ANXA2: variants seen among roughly 807,000 people sequenced by gnomAD.
ANXA2 encodes the protein annexin A2, also known as annexin II.
ANXA2 carries 28 observed loss-of-function variants against 47.3 expected under a neutral mutation model. The ratio of observed to expected loss-of-function variants is 0.59; its 90% CI spans 0.44 to 0.81. The LOEUF (loss-of-function observed/expected upper bound fraction) is 0.81, where lower values mean the gene tolerates loss of function less well. Among genes scored for constraint, ANXA2 ranks in the 40% least tolerant of loss-of-function variants. The pLI is 0.00. For synonymous variants in ANXA2, 172 were observed against 155.5 expected (o/e 1.11, Z -0.79); for missense variants, 384 against 414.3 (o/e 0.93, Z 0.64).
intron 1 of ANXA2, chr15:60,397,228 C>T: frequency 1.0e-6 from 1 of 964,844 alleles, no homozygotes; most frequent in Non-Finnish European, 1.2e-6. Context: ...AACAGGACAA[C>T]CCTCCCCACA....
intron 3 of ANXA2, among the ~76,000 whole-genome samples, chr15:60,369,001 G>A (rs1405059818): frequency 6.6e-6 from 1 of 152,100 alleles, no homozygotes; most frequent in Non-Finnish European, 1.5e-5. Flanking sequence ...TTTCATAAGT[G>A]GAGGCTCTAA....
chr15:60,376,794 C>T (rs1425458381), intron 3 of ANXA2, among the ~76,000 whole-genome samples: 1 of 152,228 alleles, frequency 6.6e-6, no homozygotes, highest in African/African-American at 2.4e-5. Flanking sequence ...TCGCCATCAT[C>T]CCACTCCAGG....
In ANXA2 at chr15:60,352,291, C is replaced by T; in HGVS notation, c.682+92G>A. 1 of 809,764 alleles carries T rather than the reference C, an allele frequency of 1.2e-6. No individual in the cohort carries two copies. The highest frequency in any genetic ancestry group is 2.0e-6 in the Non-Finnish European group (1 of 494,066). 50.2% of individuals were successfully genotyped at this position (809,764 alleles called of 1,614,324 possible). Reference sequence around the variant, plus strand: ...AGAGTGCCAAGCGGAGACAGAACCTCATTCTGGCAGACTCCATCCCAACAT... The same window carrying T: ...AGAGTGCCAAGCGGAGACAGAACCTTATTCTGGCAGACTCCATCCCAACAT... On this transcript the variant is annotated intron_variant, in intron 9 of 12. Transcript: ENST00000451270. This position sits in a 1 kb window ranked among gnomAD's most constrained non-coding sequence, Gnocchi z 4.2.
chr15:60,380,506 A>G (rs1418669618), intron 3 of ANXA2, among the ~76,000 whole-genome samples: 5 of 151,794 alleles, frequency 3.3e-5, no homozygotes, highest in African/African-American at 7.3e-5. Flanking sequence ...AAAAAAAAAA[A>G]AAAGAAAAAA....
intron 1 of ANXA2, among the ~76,000 whole-genome samples, chr15:60,393,826 G>C (rs10083663): frequency 3.9e-5 from 6 of 152,306 alleles, no homozygotes; most frequent in Admixed American, 1.3e-4. Flanking sequence ...TTTCCTCATA[G>C]GTCTGAGCAC....
intron 1 of ANXA2, chr15:60,393,078 T>C: frequency 7.8e-7 from 1 of 1,287,738 alleles, no homozygotes; most frequent in Non-Finnish European, 1.0e-6. Flanking sequence ...TTTTATGGTC[T>C]TGATTAATGA....
chr15:60,351,770 G>A lies in ANXA2; in HGVS notation c.732C>T (p.Ile244=). The change falls in exon 10 of 13, where the codon ATC becomes ATT. Residue 244 remains isoleucine, a synonymous_variant. Transcript: ENST00000451270. ...SYSPYDMLES[I]RKEVKGDLEN... ...CCAGGTCTCCTTTAACCTCTTTCCT[G>A]ATGCTTTCCAACATGTCATAAGGGC... 2.5e-6 allele frequency: 4 copies of A among 1,613,822 alleles called. No homozygotes were observed. The highest frequency in any genetic ancestry group is 3.4e-6 in the Non-Finnish European group (4 of 1,179,754).
Position 60,379,239 on chromosome 15 carries a change from C to G in ANXA2, c.148+3103G>C, listed in dbSNP as rs148154350. 5.3e-3 allele frequency among the ~76,000 whole-genome samples: 806 copies of G among 152,180 alleles called. 9 individuals are homozygous for G. Among genetic ancestry groups the G allele is most frequent in the African/African-American group, 0.019 (769 of 41,520 alleles). ...GTTGCAGTGAGCCAAGATCACACCA[C>G]TGCACTCCAGCCTGGGTGACACAGC... is the stretch of plus-strand genomic sequence containing the variant. On this transcript the variant is annotated intron_variant, in intron 3 of 12. Coordinates refer to ENST00000451270, the MANE Select transcript of ANXA2 (RefSeq NM_004039.3).
chr15:60,364,391 C>G, intron 4 of ANXA2, 38 bp downstream of exon 4: 2 of 1,554,286 alleles, frequency 1.3e-6, no homozygotes. Context: ...AACAAAAATT[C>G]AACAAGAAAT....
chr15:60,379,117 A>G (rs998386920), intron 3 of ANXA2, among the ~76,000 whole-genome samples: 22 of 152,084 alleles, frequency 1.4e-4, no homozygotes, highest in Admixed American at 1.2e-3. Flanking sequence ...CGTCTCTACT[A>G]AAAATACAAA....
intron 3 of ANXA2, among the ~76,000 whole-genome samples, chr15:60,370,961 G>C (rs1175785551): frequency 3.9e-5 from 6 of 152,212 alleles, no homozygotes; most frequent in African/African-American, 1.4e-4. Context: ...CCAAAGAAGA[G>C]TGATGTGGAT....
chr15:60,347,869 C>T (rs1441829358), intron 12 of ANXA2, among the ~76,000 whole-genome samples, 180 bp from the exon 13 acceptor site: 1 of 152,198 alleles, frequency 6.6e-6, no homozygotes, highest in Non-Finnish European at 1.5e-5. Flanking sequence ...GCCAGGGAAG[C>T]CTCCAGGAGT....
rs1489921168 is a variant in ANXA2, at chr15:60,352,550, A to G, written c.589-74T>C. 8.3e-5 allele frequency: 93 copies of G among 1,116,382 alleles called. No individual in the cohort carries two copies. The East Asian group carries it at 2.3e-3, about 28-fold the overall frequency. The allele number at this position is 1,116,382 out of a possible 1,614,324, so 69.2% of individuals were successfully genotyped here. A position where few individuals can be genotyped will look rare whatever the true frequency, so the allele number is the denominator to read the frequency against. ...GTCAAAAAAAATGTCATGCAAAAAAAACAAAAAAAGCTACACATTCAAAAT... is the reference window on the plus strand; with the variant it reads ...GTCAAAAAAAATGTCATGCAAAAAAGACAAAAAAAGCTACACATTCAAAAT... On this transcript the variant is annotated intron_variant, in intron 8 of 12. Coordinates refer to ENST00000451270, the MANE Select transcript of ANXA2 (RefSeq NM_004039.3). This position sits in a 1 kb window ranked among gnomAD's most constrained non-coding sequence, Gnocchi z 4.2.
At chr15:60,389,410 T>C (rs1263750936) in intron 1 of ANXA2, among the ~76,000 whole-genome samples, 2 of 152,200 alleles carry the variant, frequency 1.3e-5, no homozygotes, top group Non-Finnish European at 2.9e-5. Flanking sequence ...TCAAGTTGTC[T>C]TTCCAGCTCT....
chr15:60,354,062 G>T, intron 8 of ANXA2, 92 bp downstream of exon 8: 1 of 956,252 alleles, frequency 1.0e-6, no homozygotes, highest in Non-Finnish European at 1.6e-6. Context: ...CAGAGTTTGG[G>T]AGTCATTTGT....
At chr15:60,348,889 C>T (rs1191790974) in intron 12 of ANXA2, among the ~76,000 whole-genome samples, 186 bp downstream of exon 12, 1 of 152,092 alleles carries the variant, frequency 6.6e-6, no homozygotes, top group East Asian at 1.9e-4. Context: ...CCTGATTGTA[C>T]AAAGTCCAGG....
rs1455033142 is a variant in ANXA2, at chr15:60,352,322, T to A, written c.682+61A>T. On this transcript the variant is annotated intron_variant, in intron 9 of 12. Coordinates refer to ENST00000451270, the MANE Select transcript of ANXA2 (RefSeq NM_004039.3). This position sits in a 1 kb window ranked among gnomAD's most constrained non-coding sequence, Gnocchi z 4.2. Reference sequence around the variant, plus strand: ...GGCAGACTCCATCCCAACATGGACATCCACCCAGCCGCCCCAGCCAGGGCC... The same window carrying A: ...GGCAGACTCCATCCCAACATGGACAACCACCCAGCCGCCCCAGCCAGGGCC... 8.3e-7 allele frequency: 1 copy of A among 1,206,880 alleles called. No homozygotes were observed. The highest frequency in any genetic ancestry group is 1.5e-5 in the African/African-American group (1 of 66,258). The allele number at this position is 1,206,880 out of a possible 1,614,324, so 74.8% of individuals were successfully genotyped here. A position where few individuals can be genotyped will look rare whatever the true frequency, so the allele number is the denominator to read the frequency against.
chr15:60,366,021 G>T (rs1377779606), intron 3 of ANXA2, among the ~76,000 whole-genome samples: 1 of 133,918 alleles, frequency 7.5e-6, no homozygotes, highest in Non-Finnish European at 1.6e-5. Context: ...ACTGGTTTTC[G>T]TTTTTTTTTG....
At chr15:60,376,164 G>T (rs376329110) in intron 3 of ANXA2, among the ~76,000 whole-genome samples, 1 of 152,150 alleles carries the variant, frequency 6.6e-6, no homozygotes, top group African/African-American at 2.4e-5. Flanking sequence ...GATCACCTGA[G>T]GTCAGGAGCT....
Sources: gnomAD v4.1 joint callset for allele counts (sites outside exome capture counted in the v4.1 genomes callset) on GRCh38, gnomAD v4.1.1 for gene constraint, Gnocchi (gnomAD v3.1) non-coding constraint, MANE v1.5 for transcripts, NCBI Gene and HGNC (gene_info 2026-07-23, HGNC 2026-07-21) for gene names.